Variants in LRRFIP1 observed in about 807,000 individuals in gnomAD.
LRRFIP1 encodes the protein leucine-rich repeat flightless-interacting protein 1.
LRRFIP1 carries 62 observed loss-of-function variants against 104.4 expected under a neutral mutation model. The observed-to-expected ratio is 0.59, with a 90% CI of 0.48 to 0.73. The LOEUF (loss-of-function observed/expected upper bound fraction) is 0.73. Ranked by LOEUF, LRRFIP1 falls within the 30% of genes least tolerant of loss-of-function variation. The pLI is 0.00. For missense variants in LRRFIP1, 796 were observed against 824.5 expected, an observed-to-expected ratio of 0.97 and a Z score of 0.42; for synonymous variants, 300 against 299.0, an observed-to-expected ratio of 1.00 and a Z score of -0.03.
At chr2:237,760,448 A>C (rs2059740199) in intron 19 of LRRFIP1, among the ~76,000 whole-genome samples, 5 of 152,240 alleles carry the variant, frequency 3.3e-5, no homozygotes. Context: ...TTGCTGCTCA[A>C]AGCTACCAAG....
intron 11 of LRRFIP1, among the ~76,000 whole-genome samples, chr2:237,743,019 C>T (rs1000475060): frequency 1.6e-4 from 24 of 149,302 alleles, no homozygotes; most frequent in Non-Finnish European, 3.0e-4. Context: ...AAAAAGAAAC[C>T]CCCCCAAAAA....
chr2:237,765,015 A>T, intron 19 of LRRFIP1: 1 of 967,332 alleles, frequency 1.0e-6, no homozygotes, highest in Non-Finnish European at 1.2e-6. Context: ...TAATCTCAGT[A>T]CATTGGGAGG....
intron 1 of LRRFIP1, among the ~76,000 whole-genome samples, chr2:237,663,440 C>T (rs1025659305): frequency 6.6e-6 from 1 of 152,168 alleles, no homozygotes; most frequent in Admixed American, 6.5e-5. Flanking sequence ...CCCCCCCATC[C>T]CGCCATGTGA....
At position 237,735,175 on chromosome 2, in the gene LRRFIP1, G is replaced by T. The variant is rs796849181; in HGVS notation, c.490-93G>T. ...CTTTTTCAGGTCATGCTCCTGGCAC[G>T]TGTCAGTTTTTCACAGCTCACGTTT... On this transcript the variant is annotated intron_variant, in intron 9 of 23. Transcript: ENST00000308482. The surrounding 1 kb of genome is among the most constrained non-coding windows in gnomAD (Gnocchi z 4.6). 1 of 969,828 alleles carries T rather than the reference G, an allele frequency of 1.0e-6. No individual in the cohort carries two copies. Among genetic ancestry groups the T allele is most frequent in the African/African-American group, 1.6e-5 (1 of 61,980 alleles). 60.1% of individuals were successfully genotyped at this position (969,828 alleles called of 1,614,324 possible).
chr2:237,695,028 A>G (rs2093075132), intron 1 of LRRFIP1, among the ~76,000 whole-genome samples: 1 of 152,162 alleles, frequency 6.6e-6, no homozygotes, highest in Admixed American at 6.5e-5. Flanking sequence ...CTTGACCAAT[A>G]TGGGGATGAA....
chr2:237,741,582 C>A (rs184655661), intron 11 of LRRFIP1, among the ~76,000 whole-genome samples: 1 of 152,250 alleles, frequency 6.6e-6, no homozygotes, highest in African/African-American at 2.4e-5. Context: ...AATCCCAGCA[C>A]TTTGGGAGGC....
rs570269529 is a variant in LRRFIP1 at position 237,716,844 on chromosome 2, G to A, written c.202-918G>A. 1.0e-3 allele frequency among the ~76,000 whole-genome samples: 152 copies of A among 152,304 alleles called. 1 individual carries two copies. The highest frequency in any genetic ancestry group is 2.8e-3 in the African/African-American group (115 of 41,564). ...CCCTGATTGAGTGGCAGCAGTAGCC[G>A]TTCTGAATCTGCTTTTCTCATTTTA... is the stretch of plus-strand genomic sequence containing the variant. On this transcript the variant is annotated intron_variant, in intron 3 of 23. Coordinates refer to ENST00000308482, the MANE Select transcript of LRRFIP1 (RefSeq NM_001137550.2).
chr2:237,739,232 C>A lies in LRRFIP1; in HGVS notation c.556C>A (p.Pro186Thr). Reference sequence around the variant, plus strand: ...GTCCTGGCGGTGGCTGTGTGGGCAGCCCTCGGAGTACAGCGGCCACCTCAA... The same window carrying A: ...GTCCTGGCGGTGGCTGTGTGGGCAGACCTCGGAGTACAGCGGCCACCTCAA... ...RRGSTSGSRAPSEYSGHLNSS... is the reference protein window; with the variant it reads ...RRGSTSGSRATSEYSGHLNSS... Residue 186 changes from proline to threonine, a missense_variant and splice_region_variant, in exon 11 of 24, where the codon CCC becomes ACC. Physicochemically the swap from Pro to Thr is conservative, Grantham distance 38. Coordinates refer to ENST00000308482, the MANE Select transcript of LRRFIP1 (RefSeq NM_001137550.2). The A allele has an allele frequency of 6.4e-7, 1 of 1,557,918 alleles. No homozygotes were observed. Among genetic ancestry groups the A allele is most frequent in the Non-Finnish European group, 8.7e-7 (1 of 1,151,050 alleles).
At chr2:237,660,837 C>G (rs1261948283) in intron 1 of LRRFIP1, among the ~76,000 whole-genome samples, 1 of 151,902 alleles carries the variant, frequency 6.6e-6, no homozygotes, top group Non-Finnish European at 1.5e-5. Flanking sequence ...GCGCACGGTG[C>G]TACATGTCTG....
chr2:237,748,251 T>C, intron 11 of LRRFIP1, 113 bp from the exon 12 acceptor site: 4 of 865,170 alleles, frequency 4.6e-6, no homozygotes, highest in Non-Finnish European at 5.6e-6. Context: ...GCTTCTAAAT[T>C]ACAAAGGAAG....
intron 13 of LRRFIP1, among the ~76,000 whole-genome samples, chr2:237,749,536 C>G (rs958217852): frequency 2.6e-5 from 4 of 152,290 alleles, no homozygotes; most frequent in East Asian, 3.9e-4. Context: ...ACTGACCCCC[C>G]AGCAGGGCGG....
chr2:237,676,267 A>G (rs1212021390), intron 1 of LRRFIP1, among the ~76,000 whole-genome samples: 1 of 152,176 alleles, frequency 6.6e-6, no homozygotes, highest in Non-Finnish European at 1.5e-5. Flanking sequence ...AGTTCAAGGT[A>G]CATAGTTTAA....
rs534245862 is a variant in LRRFIP1 at position 237,752,267 on chromosome 2, G to A, written c.867+996G>A. On this transcript the variant is annotated intron_variant, in intron 14 of 23. Transcript: ENST00000308482. Reference sequence around the variant, plus strand: ...CTAAAAATATAAAAATTAGCCAGGTGTGGTGGTGCGCACCTGTAATCCCAG... The same window carrying A: ...CTAAAAATATAAAAATTAGCCAGGTATGGTGGTGCGCACCTGTAATCCCAG... Among the ~76,000 whole-genome samples the A allele has an allele frequency of 1.2e-4, 18 of 152,316 alleles. No homozygotes were observed. In the South Asian group the frequency reaches 1.2e-3, roughly 11 times the overall value.
intron 19 of LRRFIP1, chr2:237,762,577 C>T: frequency 1.9e-6 from 3 of 1,559,804 alleles, no homozygotes; most frequent in East Asian, 4.6e-5. Flanking sequence ...CATGGGGTCC[C>T]TTCAATTTTC....
chr2:237,639,346 G>A (rs2083562898), intron 1 of LRRFIP1, among the ~76,000 whole-genome samples: 1 of 152,244 alleles, frequency 6.6e-6, no homozygotes, highest in South Asian at 2.1e-4. Flanking sequence ...AAATATGTGT[G>A]TCTTTAGTGT....
intron 1 of LRRFIP1, among the ~76,000 whole-genome samples, chr2:237,673,367 C>T (rs1027620909): frequency 1.3e-5 from 2 of 152,186 alleles, no homozygotes; most frequent in Non-Finnish European, 2.9e-5. Context: ...GGAGTCTGGA[C>T]GTCACCCCAT....
chr2:237,720,502 G>A (rs542064372), intron 5 of LRRFIP1, among the ~76,000 whole-genome samples: 24 of 152,098 alleles, frequency 1.6e-4, no homozygotes, highest in East Asian at 7.7e-4. Flanking sequence ...TGCCTGCCTC[G>A]GCCTCCCAAA....
intron 1 of LRRFIP1, among the ~76,000 whole-genome samples, chr2:237,682,695 C>T (rs1474970176): frequency 6.6e-6 from 1 of 152,242 alleles, no homozygotes; most frequent in Non-Finnish European, 1.5e-5. Context: ...ACTTCCCACC[C>T]AGTGACCTGC....
intron 20 of LRRFIP1, chr2:237,770,850 G>A (rs567399848): frequency 6.6e-6 from 1 of 152,330 alleles, no homozygotes; most frequent in East Asian, 1.9e-4. Flanking sequence ...GCAGGATAGT[G>A]ATTAAATCAC....
Sources: allele counts gnomAD v4.1 joint callset (sites outside exome capture counted in the v4.1 genomes callset), GRCh38; gene constraint gnomAD v4.1.1; non-coding constraint Gnocchi (gnomAD v3.1); transcripts MANE v1.5; gene names NCBI Gene and HGNC (gene_info 2026-07-23, HGNC 2026-07-21).